The following EPHB1 variants were observed in gnomAD, a reference collection of about 807,000 sequenced individuals.
The protein encoded by EPHB1 is EPH receptor B1.
Under a neutral mutation model 94.4 loss-of-function variants are expected in EPHB1, and 30 were observed. The observed-to-expected ratio is 0.32, with a 90% CI of 0.24 to 0.43. EPHB1 has a LOEUF of 0.43. Ranked by LOEUF, EPHB1 falls within the 20% of genes least tolerant of loss-of-function variation. EPHB1 has a pLI of 1.00. For synonymous variants in EPHB1, 522 were observed against 489.1 expected, an observed-to-expected ratio of 1.07 and a Z score of -0.89; for missense variants, 1,055 against 1,308.3, an observed-to-expected ratio of 0.81 and a Z score of 2.99.
At chr3:135,204,750 G>A (rs892002496) in intron 12 of EPHB1, among the ~76,000 whole-genome samples, 29 of 151,466 alleles carry the variant, frequency 1.9e-4, no homozygotes, top group African/African-American at 6.1e-4. Context: ...TGATTTGCCC[G>A]CCTCGGCCTC....
chr3:135,224,852 A>G (rs556999107), intron 12 of EPHB1, among the ~76,000 whole-genome samples: 1 of 152,302 alleles, frequency 6.6e-6, no homozygotes, highest in Admixed American at 6.5e-5. Context: ...TGAACATTAC[A>G]TTCTCTTTGA....
intron 1 of EPHB1, among the ~76,000 whole-genome samples, chr3:134,925,161 G>T (rs2038764195): frequency 6.6e-6 from 1 of 152,188 alleles, no homozygotes; most frequent in Non-Finnish European, 1.5e-5. Flanking sequence ...TGGCTGCTGT[G>T]GCCACCCTTG....
At chr3:134,962,649 A>G (rs1933565194) in intron 3 of EPHB1, among the ~76,000 whole-genome samples, 1 of 151,764 alleles carries the variant, frequency 6.6e-6, no homozygotes, top group South Asian at 2.1e-4. Context: ...TGCCGCATGC[A>G]TCTCTCAGCT....
intron 1 of EPHB1, among the ~76,000 whole-genome samples, chr3:134,823,367 C>T (rs1454144492): frequency 6.6e-6 from 1 of 152,110 alleles, no homozygotes; most frequent in Non-Finnish European, 1.5e-5. Context: ...TCATCGTGGT[C>T]CCCTCAGTTG....
chr3:134,825,257 A>G (rs1466024419), intron 1 of EPHB1, among the ~76,000 whole-genome samples: 1 of 152,232 alleles, frequency 6.6e-6, no homozygotes, highest in Admixed American at 6.5e-5. Flanking sequence ...TGTTACGATC[A>G]TCTGTCAGTT....
intron 10 of EPHB1, among the ~76,000 whole-genome samples, chr3:135,189,877 T>C (rs1245961842): frequency 1.3e-5 from 2 of 152,272 alleles, no homozygotes; most frequent in Non-Finnish European, 2.9e-5. Flanking sequence ...AGGAGGCTTA[T>C]GTGAAAGACA....
chr3:134,925,738 G>C, intron 1 of EPHB1, 78 bp from the exon 2 acceptor site: 2 of 1,240,252 alleles, frequency 1.6e-6, no homozygotes, highest in Non-Finnish European at 2.2e-6. Context: ...AAACAACTTC[G>C]TGACCTTGAG....
intron 12 of EPHB1, among the ~76,000 whole-genome samples, chr3:135,203,404 A>G (rs1942809709): frequency 6.6e-6 from 1 of 152,190 alleles, no homozygotes; most frequent in Non-Finnish European, 1.5e-5. Context: ...CCCAGAACTT[A>G]AAGTAAAATT....
intron 3 of EPHB1, among the ~76,000 whole-genome samples, chr3:135,046,237 A>T (rs566228406): frequency 5.9e-5 from 9 of 152,250 alleles, no homozygotes; most frequent in Non-Finnish European, 1.2e-4. Context: ...AGACCAAAAA[A>T]GTTTGAGAAC....
chr3:134,996,692 G>T (rs964904404), intron 3 of EPHB1, among the ~76,000 whole-genome samples: 6 of 151,894 alleles, frequency 4.0e-5, no homozygotes, highest in Admixed American at 1.3e-4. Context: ...TTGATTATTT[G>T]TTAGTCTGAT....
intron 3 of EPHB1, among the ~76,000 whole-genome samples, chr3:135,092,168 C>T (rs938837546): frequency 1.7e-4 from 26 of 152,136 alleles, no homozygotes; most frequent in Non-Finnish European, 2.6e-4. Context: ...CACTGGCAGC[C>T]GGGCACTGAG....
At chr3:135,255,170 G>C (rs1933320975) in intron 15 of EPHB1, among the ~76,000 whole-genome samples, 2 of 151,828 alleles carry the variant, frequency 1.3e-5, no homozygotes, top group Admixed American at 1.3e-4. Context: ...CCAGCTCCTG[G>C]ATTCATTAAT....
rs1553744895 is a variant in EPHB1 at position 135,178,224 on chromosome 3, A to AGCGG, written c.1760-1635_1760-1634insCGGG. ...ATCCCAGCACTTTGGGAGGCCGGGG[A>AGCGG]GGGGGGGTGGATCATGAGGTCGGGA... On this transcript the variant is annotated intron_variant, in intron 9 of 15. Coordinates refer to ENST00000398015, the MANE Select transcript of EPHB1 (RefSeq NM_004441.5). Among the ~76,000 whole-genome samples the AGCGG allele has an allele frequency of 2.6e-4, 36 of 139,514 alleles. No individual in the cohort carries two copies. In the East Asian group the frequency reaches 4.8e-3, roughly 19 times the overall value. The allele number at this position is 139,514 out of a possible 152,430, so 91.5% of individuals were successfully genotyped here.
chr3:135,107,654 T>G lies in EPHB1; in HGVS notation c.961+1051T>G, dbSNP rs76098943. ...GAATATTTCATTTATACTTTCTGTT[T>G]GATGAACAGAAAAAGTGACTGGACT... is the stretch of plus-strand genomic sequence containing the variant. On this transcript the variant is annotated intron_variant, in intron 4 of 15. Coordinates refer to ENST00000398015, the MANE Select transcript of EPHB1 (RefSeq NM_004441.5). 3.4e-3 allele frequency among the ~76,000 whole-genome samples: 524 copies of G among 152,300 alleles called. 8 individuals are homozygous for G. Among genetic ancestry groups the G allele is most frequent in the African/African-American group, 0.012 (508 of 41,574 alleles).
intron 6 of EPHB1, among the ~76,000 whole-genome samples, chr3:135,155,280 A>C (rs1289525934): frequency 6.6e-6 from 1 of 152,158 alleles, no homozygotes; most frequent in Non-Finnish European, 1.5e-5. Flanking sequence ...AGGGGTAGAG[A>C]TAGGCCTCTT....
chr3:134,802,018 C>T (rs970842202), intron 1 of EPHB1, among the ~76,000 whole-genome samples: 3 of 152,206 alleles, frequency 2.0e-5, no homozygotes, highest in South Asian at 4.1e-4. Flanking sequence ...GCACAGTTAG[C>T]TCTGTCCTTC....
intron 1 of EPHB1, among the ~76,000 whole-genome samples, chr3:134,900,292 T>C (rs2038174795): frequency 6.6e-6 from 1 of 152,216 alleles, no homozygotes; most frequent in South Asian, 2.1e-4. Context: ...CTCCTAGTGG[T>C]CCCAGCAAAG....
intron 5 of EPHB1, among the ~76,000 whole-genome samples, chr3:135,151,146 A>G (rs1232262727): frequency 6.6e-6 from 1 of 152,190 alleles, no homozygotes; most frequent in Non-Finnish European, 1.5e-5. Flanking sequence ...CTGCTTTTAC[A>G]TGGCCCCTGC....
At chr3:135,078,289 G>A (rs1191279842) in intron 3 of EPHB1, among the ~76,000 whole-genome samples, 5 of 152,192 alleles carry the variant, frequency 3.3e-5, no homozygotes, top group African/African-American at 1.2e-4. Context: ...TCAGAAGAGA[G>A]GGATGGGTCT....
Sources: allele counts gnomAD v4.1 joint callset (sites outside exome capture counted in the v4.1 genomes callset), GRCh38; gene constraint gnomAD v4.1.1; transcripts MANE v1.5; gene names NCBI Gene and HGNC (gene_info 2026-07-23, HGNC 2026-07-21).